The following SKAP2 variants were observed in gnomAD, a reference collection of about 807,000 sequenced individuals.
SKAP2 encodes the protein src kinase associated phosphoprotein 2.
Under a neutral mutation model 54.9 loss-of-function variants are expected in SKAP2, and 28 were observed. The observed-to-expected ratio is 0.51, with a 90% CI of 0.38 to 0.70. The LOEUF (loss-of-function observed/expected upper bound fraction) is 0.70, where lower values mean the gene tolerates loss of function less well. SKAP2 is among the 30% of genes least tolerant of loss of function. The probability of loss-of-function intolerance (pLI) is 0.00; values close to 1 mark genes in which losing one functional copy is unlikely to be tolerated. For missense variants in SKAP2, 356 were observed against 424.1 expected (o/e 0.84, Z 1.41); for synonymous variants, 137 against 134.3 (o/e 1.02, Z -0.14).
chr7:26,684,626 C>T, intron 11 of SKAP2, 110 bp downstream of exon 11: 1 of 646,474 alleles, frequency 1.5e-6, no homozygotes, highest in Non-Finnish European at 2.8e-6. Context: ...TTAACAAGGA[C>T]CTAGAAGAAT....
At chr7:26,732,177 C>T (rs1787836218) in intron 6 of SKAP2, among the ~76,000 whole-genome samples, 1 of 152,142 alleles carries the variant, frequency 6.6e-6, no homozygotes, top group Non-Finnish European at 1.5e-5. Context: ...ATGCTCCAGA[C>T]TGGAACCTAA....
At chr7:26,687,141 T>C (rs1197082497) in intron 10 of SKAP2, among the ~76,000 whole-genome samples, 1 of 150,836 alleles carries the variant, frequency 6.6e-6, no homozygotes, top group Middle Eastern at 3.2e-3. Flanking sequence ...TCCTTATCAC[T>C]TTGGGGTCTC....
intron 4 of SKAP2, among the ~76,000 whole-genome samples, chr7:26,793,027 C>G (rs780637975): frequency 2.6e-5 from 4 of 152,070 alleles, no homozygotes; most frequent in Non-Finnish European, 4.4e-5. Context: ...GAAACGAATT[C>G]TTTTCTAATG....
chr7:26,775,413 T>C (rs1299406511), intron 4 of SKAP2, among the ~76,000 whole-genome samples: 2 of 152,198 alleles, frequency 1.3e-5, no homozygotes, highest in African/African-American at 2.4e-5. Context: ...CCTTATACAC[T>C]TTGCTCAGTT....
At chr7:26,735,103 C>T (rs1404127007) in intron 6 of SKAP2, among the ~76,000 whole-genome samples, 2 of 152,164 alleles carry the variant, frequency 1.3e-5, no homozygotes, top group Non-Finnish European at 2.9e-5. Flanking sequence ...CCTCCAACCC[C>T]ACAGCATCCT....
At position 26,667,893 on chromosome 7, in the gene SKAP2, C is replaced by T. The variant is rs1335597656; in HGVS notation, c.*1773G>A. On this transcript the variant is annotated 3_prime_UTR_variant, in exon 13 of 13. Coordinates refer to ENST00000345317, the MANE Select transcript of SKAP2 (RefSeq NM_003930.5). Reference sequence around the variant, plus strand: ...GTTTTGAAAACCAGTCCACTAAAGTCGTCTTTGGTTGTCTAACTTTTGCCA... The same window carrying T: ...GTTTTGAAAACCAGTCCACTAAAGTTGTCTTTGGTTGTCTAACTTTTGCCA... 1 of 152,184 alleles carries T rather than the reference C, an allele frequency of 6.6e-6. No individual in the cohort carries two copies. Among genetic ancestry groups the T allele is most frequent in the Non-Finnish European group, 1.5e-5 (1 of 68,034 alleles). The allele number at this position is 152,184 out of a possible 1,614,324, so 9.4% of individuals were successfully genotyped here. A position where few individuals can be genotyped will look rare whatever the true frequency, so the allele number is the denominator to read the frequency against.
At chr7:26,675,858 C>T (rs1786339463) in intron 11 of SKAP2, among the ~76,000 whole-genome samples, 1 of 152,154 alleles carries the variant, frequency 6.6e-6, no homozygotes, top group African/African-American at 2.4e-5. Context: ...TGTGCCTTGT[C>T]TAAAAAGCTT....
chr7:26,864,288 T>G, intron 1 of SKAP2, 75 bp downstream of exon 1: 1 of 1,579,004 alleles, frequency 6.3e-7, no homozygotes, highest in Non-Finnish European at 8.7e-7. Context: ...GGGCTCTGAA[T>G]GCTTCTGTCC....
At chr7:26,823,425 C>CAAAAAA (rs60207927) in intron 4 of SKAP2, among the ~76,000 whole-genome samples, 15 of 93,938 alleles carry the variant, frequency 1.6e-4, no homozygotes, top group East Asian at 5.6e-4. Context: ...GACTTTGTCT[C>CAAAAAA]AAAAAAAAAA....
At chr7:26,717,045 C>T (rs925603301) in intron 9 of SKAP2, among the ~76,000 whole-genome samples, 9 of 152,118 alleles carry the variant, frequency 5.9e-5, no homozygotes, top group African/African-American at 1.4e-4. Flanking sequence ...GCACATATAA[C>T]GGGCAGAGCT....
rs1480000185 is a variant in SKAP2, at chr7:26,745,882, AG to A, written c.308-5919del. Among the ~76,000 whole-genome samples the A allele has an allele frequency of 3.3e-5, 5 of 152,212 alleles. No individual in the cohort carries two copies. In the East Asian group the frequency reaches 9.6e-4, roughly 29 times the overall value. On this transcript the variant is annotated intron_variant, in intron 4 of 12. Coordinates refer to ENST00000345317, the MANE Select transcript of SKAP2 (RefSeq NM_003930.5). ...TTGCTTTATATTTGAAACATATATT[AG>A]GCTTTGATTCTCCAAAAATATTATC...
intron 9 of SKAP2, among the ~76,000 whole-genome samples, chr7:26,690,823 A>G (rs1228365463): frequency 1.3e-5 from 2 of 152,228 alleles, no homozygotes; most frequent in Non-Finnish European, 2.9e-5. Context: ...ATATAAAATC[A>G]TGGTCCCTAA....
At chr7:26,828,676 C>CAA (rs61268985) in intron 4 of SKAP2, among the ~76,000 whole-genome samples, 129 of 100,100 alleles carry the variant, frequency 1.3e-3, no homozygotes, top group East Asian at 2.2e-3. Flanking sequence ...GACTCTGTCT[C>CAA]AAAAAAAAAA....
At chr7:26,738,903 A>C in intron 5 of SKAP2, 25 bp from the exon 6 acceptor site, 1 of 1,363,958 alleles carries the variant, frequency 7.3e-7, no homozygotes, top group East Asian at 2.3e-5. Context: ...GGAAAATGTA[A>C]GGCCATTTCC....
chr7:26,743,638 G>GT (rs1161936414), intron 4 of SKAP2, among the ~76,000 whole-genome samples: 1 of 152,078 alleles, frequency 6.6e-6, no homozygotes, highest in African/African-American at 2.4e-5. Context: ...AGAAAGACTA[G>GT]TTTTCTTTTT....
intron 4 of SKAP2, among the ~76,000 whole-genome samples, chr7:26,769,897 T>A (rs1405087053): frequency 6.6e-6 from 1 of 152,190 alleles, no homozygotes. Context: ...CGACCCCTGC[T>A]GGGAGGTGTC....
intron 6 of SKAP2, among the ~76,000 whole-genome samples, chr7:26,729,930 T>C (rs1024813911): frequency 5.3e-5 from 8 of 152,120 alleles, no homozygotes; most frequent in Admixed American, 3.3e-4. Context: ...GAAACTAATA[T>C]CTAGACCTAT....
At chr7:26,708,702 T>C (rs1399977082) in intron 9 of SKAP2, among the ~76,000 whole-genome samples, 1 of 152,214 alleles carries the variant, frequency 6.6e-6, no homozygotes, top group Admixed American at 6.5e-5. Context: ...TTTACTGCCA[T>C]AGACTTGGCT....
Position 26,853,838 on chromosome 7 carries a change from A to ACGTT in SKAP2, c.199+295_199+298dup, listed in dbSNP as rs1785100774. Among the ~76,000 whole-genome samples, 6 of 152,232 alleles carry ACGTT rather than the reference A, an allele frequency of 3.9e-5. No individual in the cohort carries two copies. The South Asian group carries it at 1.2e-3, about 32-fold the overall frequency. ...ACCAAGTTATTCCACGTGTAATTGC[A>ACGTT]CGTTTTTACCTTTCCTAACAAATTT... On this transcript the variant is annotated intron_variant, in intron 3 of 12. Coordinates refer to ENST00000345317, the MANE Select transcript of SKAP2 (RefSeq NM_003930.5).
Sources: gnomAD v4.1 joint callset for allele counts (sites outside exome capture counted in the v4.1 genomes callset) on GRCh38, gnomAD v4.1.1 for gene constraint, MANE v1.5 for transcripts, NCBI Gene and HGNC (gene_info 2026-07-23, HGNC 2026-07-21) for gene names.